ADCY1: variants seen among roughly 807,000 people sequenced by gnomAD.
The protein encoded by ADCY1 is adenylate cyclase 1.
In ADCY1, 28 loss-of-function variants were observed where a neutral mutation model predicts 105.4. That is an observed-to-expected ratio of 0.27 (90% CI 0.20 to 0.36). The LOEUF is 0.36. ADCY1 is among the 10% of genes least tolerant of loss of function. The pLI is 1.00. For synonymous variants in ADCY1, 655 were observed against 623.8 expected (o/e 1.05, Z -0.75); for missense variants, 977 against 1,434.2 (o/e 0.68, Z 5.15).
intron 4 of ADCY1, among the ~76,000 whole-genome samples, chr7:45,646,470 G>A (rs1218823940): frequency 2.0e-5 from 3 of 152,206 alleles, no homozygotes; most frequent in Non-Finnish European, 4.4e-5. Context: ...ACTGACTGTG[G>A]TTCCAGGCCA....
chr7:45,711,998 A>C (rs1785262965), intron 19 of ADCY1, among the ~76,000 whole-genome samples: 1 of 113,258 alleles, frequency 8.8e-6, no homozygotes, highest in Admixed American at 1.1e-4. Flanking sequence ...TATTTTATAT[A>C]TTATATTAAA....
intron 17 of ADCY1, among the ~76,000 whole-genome samples, chr7:45,706,189 A>T (rs1475140850): frequency 2.0e-5 from 3 of 152,220 alleles, no homozygotes; most frequent in Non-Finnish European, 4.4e-5. Context: ...TGTCGTTGAC[A>T]AAATGATCCT....
intron 1 of ADCY1, among the ~76,000 whole-genome samples, chr7:45,588,432 C>T (rs991339846): frequency 6.6e-6 from 1 of 152,238 alleles, no homozygotes; most frequent in Non-Finnish European, 1.5e-5. Context: ...CCTCGTTGCT[C>T]CTGGGGAGCC....
chr7:45,664,566 AT>A (rs1213504380), intron 8 of ADCY1: 1 of 1,256,986 alleles, frequency 8.0e-7, no homozygotes, highest in Non-Finnish European at 1.0e-6. Flanking sequence ...AAAAGCATTT[AT>A]CTGGAATCCT....
At chr7:45,704,688 G>A in intron 17 of ADCY1, 72 bp downstream of exon 17, 2 of 1,250,254 alleles carry the variant, frequency 1.6e-6, no homozygotes, top group Non-Finnish European at 2.3e-6. Context: ...TGGGACCCTG[G>A]GTAGCTTCCA....
At chr7:45,697,486 G>C (rs141586216) in intron 14 of ADCY1, among the ~76,000 whole-genome samples, 1,761 of 151,838 alleles carry the variant, frequency 0.012, 13 homozygotes, top group Middle Eastern at 0.031. Flanking sequence ...TCCCTCCCGG[G>C]TTCAAGTGAT....
At chr7:45,608,523 C>T (rs1008959321) in intron 2 of ADCY1, among the ~76,000 whole-genome samples, 4 of 152,224 alleles carry the variant, frequency 2.6e-5, no homozygotes, top group Non-Finnish European at 4.4e-5. Context: ...GACTCTGCCA[C>T]AGCTGGTTCT....
At chr7:45,645,605 C>T (rs1039183539) in intron 4 of ADCY1, among the ~76,000 whole-genome samples, 3 of 152,142 alleles carry the variant, frequency 2.0e-5, no homozygotes, top group African/African-American at 4.8e-5. Flanking sequence ...TTGTTCTGGA[C>T]TCACAGAGAT....
At chr7:45,599,057 G>T (rs561315453) in intron 2 of ADCY1, among the ~76,000 whole-genome samples, 30 of 152,282 alleles carry the variant, frequency 2.0e-4, no homozygotes, top group African/African-American at 7.2e-4. Context: ...CTGCCTGGTC[G>T]GGGTGACATG....
At chr7:45,684,087 C>T (rs1035703295) in intron 11 of ADCY1, among the ~76,000 whole-genome samples, 1 of 152,248 alleles carries the variant, frequency 6.6e-6, no homozygotes, top group East Asian at 1.9e-4. Flanking sequence ...GTGTTTGAGC[C>T]TCACACCGCT....
chr7:45,697,894 C>G (rs1272626814), intron 14 of ADCY1, among the ~76,000 whole-genome samples: 1 of 152,184 alleles, frequency 6.6e-6, no homozygotes, highest in Admixed American at 6.5e-5. Flanking sequence ...TTCACCACCG[C>G]CGGTCCCAGC....
At position 45,722,009 on chromosome 7, in the gene ADCY1, C is replaced by T. The variant is rs1021943355; in HGVS notation, c.*8014C>T. On this transcript the variant is annotated 3_prime_UTR_variant, in exon 20 of 20. Transcript: ENST00000297323. ...TAGCCCAGAGCATCCTGCCTGTGGG[C>T]ATCCACCTCCCAGGTGAGGGCAGTG... 1 of 393,602 alleles carries T rather than the reference C, an allele frequency of 2.5e-6. No homozygotes were observed. Among genetic ancestry groups the T allele is most frequent in the African/African-American group, 2.1e-5 (1 of 48,488 alleles). 24.4% of individuals were successfully genotyped at this position (393,602 alleles called of 1,614,324 possible). A position where few individuals can be genotyped will look rare whatever the true frequency, so the allele number is the denominator to read the frequency against.
rs772832214 is a variant in ADCY1, at chr7:45,714,020, T to C, written c.*25T>C. On this transcript the variant is annotated 3_prime_UTR_variant, in exon 20 of 20. Transcript: ENST00000297323. Reference sequence around the variant, plus strand: ...GTGGAGCCCACGTGGGCCTCTGGGGTGCACATGGGGTGGGAATGCTCCGGG... The same window carrying C: ...GTGGAGCCCACGTGGGCCTCTGGGGCGCACATGGGGTGGGAATGCTCCGGG... The C allele has an allele frequency of 7.9e-6, 6 of 755,996 alleles. No homozygotes were observed. The highest frequency in any genetic ancestry group is 1.5e-5 in the Non-Finnish European group (6 of 404,050). 46.8% of individuals were successfully genotyped at this position (755,996 alleles called of 1,614,324 possible).
chr7:45,604,761 C>A (rs1793330156), intron 2 of ADCY1, among the ~76,000 whole-genome samples: 1 of 152,098 alleles, frequency 6.6e-6, no homozygotes, highest in African/African-American at 2.4e-5. Context: ...AAAGTGATTT[C>A]TTTTACCTTG....
intron 1 of ADCY1, among the ~76,000 whole-genome samples, chr7:45,576,371 C>A (rs757581582): frequency 3.3e-5 from 5 of 152,136 alleles, no homozygotes; most frequent in Non-Finnish European, 5.9e-5. Context: ...GATGCTCAAC[C>A]TGGCACAGGG....
In ADCY1 at chr7:45,710,814, C is replaced by A. The variant is rs573439249; in HGVS notation, c.3057+162C>A. Among the ~76,000 whole-genome samples the A allele has an allele frequency of 6.6e-6, 1 of 152,148 alleles. No individual in the cohort carries two copies. The highest frequency in any genetic ancestry group is 1.5e-5 in the Non-Finnish European group (1 of 68,028). On this transcript the variant is annotated intron_variant, in intron 19 of 19. Transcript: ENST00000297323. This position sits in a 1 kb window ranked among gnomAD's most constrained non-coding sequence, Gnocchi z 4.7. The stretch of plus-strand genomic sequence containing the variant: ...GTCTGCTCTGGAGGGCATCCTGGCC[C>A]GGGCATCTTGATTTTGCTGTTTGGT...
chr7:45,604,065 A>G (rs1041012082), intron 2 of ADCY1, among the ~76,000 whole-genome samples: 1 of 152,320 alleles, frequency 6.6e-6, no homozygotes, highest in African/African-American at 2.4e-5. Flanking sequence ...TTCTGGCTCA[A>G]ATACCTAAAA....
intron 8 of ADCY1, among the ~76,000 whole-genome samples, chr7:45,673,341 A>G (rs927185290): frequency 1.3e-5 from 2 of 152,098 alleles, no homozygotes; most frequent in Admixed American, 6.6e-5. Context: ...TCTGGAAGAG[A>G]TTGGTTAAAA....
chr7:45,689,036 G>A (rs1784739029), intron 14 of ADCY1, among the ~76,000 whole-genome samples: 1 of 150,308 alleles, frequency 6.7e-6, no homozygotes, highest in Non-Finnish European at 1.5e-5. Context: ...ACTAGATGGA[G>A]CTCTGAGCTA....
Sources: gnomAD v4.1 joint callset for allele counts (sites outside exome capture counted in the v4.1 genomes callset) on GRCh38, gnomAD v4.1.1 for gene constraint, Gnocchi (gnomAD v3.1) non-coding constraint, MANE v1.5 for transcripts, NCBI Gene and HGNC (gene_info 2026-07-23, HGNC 2026-07-21) for gene names.